The following LIMCH1 variants were observed in gnomAD, a reference collection of about 807,000 sequenced individuals.
The protein encoded by LIMCH1 is LIM and calponin homology domains-containing protein 1.
A neutral mutation model predicts 176.5 loss-of-function variants in LIMCH1; 113 were observed. The observed-to-expected ratio is 0.64, with a 90% CI of 0.55 to 0.75. The LOEUF (loss-of-function observed/expected upper bound fraction) is 0.75. LIMCH1 is among the 30% of genes least tolerant of loss of function. The pLI is 0.00. For synonymous variants in LIMCH1, 619 were observed against 645.9 expected (o/e 0.96, Z 0.63); for missense variants, 1,674 against 1,814.9 (o/e 0.92, Z 1.41).
chr4:41,480,090 G>A (rs2068339479), intron 1 of LIMCH1, among the ~76,000 whole-genome samples: 1 of 151,900 alleles, frequency 6.6e-6, no homozygotes, highest in Admixed American at 6.6e-5. Flanking sequence ...AGTACTAAGT[G>A]TCCTATTAGA....
chr4:41,362,787 A>G (rs2052340545), intron 1 of LIMCH1, among the ~76,000 whole-genome samples: 1 of 152,164 alleles, frequency 6.6e-6, no homozygotes, highest in Non-Finnish European at 1.5e-5. Flanking sequence ...GTGGTAGTAT[A>G]TTTCAGGCTA....
chr4:41,488,147 G>A (rs1415426069), intron 1 of LIMCH1, among the ~76,000 whole-genome samples: 1 of 152,154 alleles, frequency 6.6e-6, no homozygotes, highest in East Asian at 1.9e-4. Flanking sequence ...TTGTTGGGCT[G>A]TCAATGTTGG....
intron 1 of LIMCH1, among the ~76,000 whole-genome samples, chr4:41,460,058 C>T (rs2065098409): frequency 6.6e-6 from 1 of 152,014 alleles, no homozygotes. Flanking sequence ...AATTTAAGTT[C>T]CCTTTGATAT....
chr4:41,669,006 A>G (rs553428778), intron 21 of LIMCH1, among the ~76,000 whole-genome samples: 1 of 152,282 alleles, frequency 6.6e-6, no homozygotes, highest in South Asian at 2.1e-4. Context: ...TGTGGGAATC[A>G]TGGGAGCTTT....
At chr4:41,670,023 C>T (rs1382494728) in intron 21 of LIMCH1, among the ~76,000 whole-genome samples, 3 of 152,216 alleles carry the variant, frequency 2.0e-5, no homozygotes, top group African/African-American at 7.2e-5. Context: ...CACACCCAGG[C>T]ATTCAGTTTT....
chr4:41,630,657 G>C (rs1320500552), intron 9 of LIMCH1, among the ~76,000 whole-genome samples: 1 of 152,138 alleles, frequency 6.6e-6, no homozygotes, highest in African/African-American at 2.4e-5. Flanking sequence ...AAGCAATTTT[G>C]CTCTAGCCTT....
chr4:41,548,080 G>A (rs918894011), intron 1 of LIMCH1, among the ~76,000 whole-genome samples: 2 of 151,550 alleles, frequency 1.3e-5, no homozygotes, highest in Non-Finnish European at 1.5e-5. Context: ...ATGGATCAAC[G>A]TAGCATGTTG....
chr4:41,503,466 A>T (rs73142567), intron 2 of LIMCH1, among the ~76,000 whole-genome samples: 6,082 of 152,196 alleles, frequency 0.04, 407 homozygotes, highest in African/African-American at 0.14. Flanking sequence ...CCGCTGAGGG[A>T]CTCTTCCATC....
Position 41,661,424 on chromosome 4 carries a change from C to T in LIMCH1, c.3041C>T (p.Thr1014Ile), listed in dbSNP as rs763733501. ...PNSVPQELAA[T>I]TEKTEPNSQE... is the part of the protein sequence containing the mutation. The stretch of plus-strand genomic sequence containing the variant: ...GGAAAAAAATCTCTTTTTCAGGCAA[C>T]CACTGAGAAAACGGAACCGAATAGT... The change falls in exon 19 of 32, where the codon ACC (threonine) becomes ATC (isoleucine). Residue 1014 changes from threonine to isoleucine, a missense_variant. Thr to Ile is a moderately conservative substitution (Grantham distance 89). This residue lies in a region of LIMCH1 where 1,015 missense variants were observed against 1,102.5 expected (regional missense o/e 0.92). Coordinates refer to ENST00000503057, the MANE Select transcript of LIMCH1 (RefSeq NM_001330672.2). The T allele has an allele frequency of 1.6e-5, 25 of 1,606,494 alleles. No homozygotes were observed. The South Asian group carries it at 2.8e-4, about 18-fold the overall frequency.
intron 5 of LIMCH1, among the ~76,000 whole-genome samples, chr4:41,616,488 C>G (rs926202276): frequency 6.6e-6 from 1 of 152,004 alleles, no homozygotes; most frequent in Non-Finnish European, 1.5e-5. Flanking sequence ...GAGATCACAC[C>G]ATTGCACTCC....
intron 2 of LIMCH1, among the ~76,000 whole-genome samples, chr4:41,507,826 T>C (rs1195852563): frequency 7.5e-6 from 1 of 132,554 alleles, no homozygotes; most frequent in East Asian, 2.4e-4. Flanking sequence ...TAAAGATGAA[T>C]GCATTATGCA....
At chr4:41,571,063 G>C (rs895696886) in intron 1 of LIMCH1, among the ~76,000 whole-genome samples, 1 of 152,110 alleles carries the variant, frequency 6.6e-6, no homozygotes, top group Non-Finnish European at 1.5e-5. Flanking sequence ...CAGATTGTGA[G>C]GGGGATCAAA....
At position 41,622,618 on chromosome 4, in the gene LIMCH1, C is replaced by T. The variant is rs1388367221; in HGVS notation, c.725+1928C>T. On this transcript the variant is annotated intron_variant, in intron 7 of 31. Coordinates refer to ENST00000503057, the MANE Select transcript of LIMCH1 (RefSeq NM_001330672.2). ...CTGGGAAGTCCATACACGTACTGTGCCACTTCAGTACCTGGGACGTTTATT... is the reference window on the plus strand; with the variant it reads ...CTGGGAAGTCCATACACGTACTGTGTCACTTCAGTACCTGGGACGTTTATT... Among the ~76,000 whole-genome samples, 4 of 152,254 alleles carry T rather than the reference C, an allele frequency of 2.6e-5. No individual in the cohort carries two copies. The East Asian group carries it at 5.8e-4, about 22-fold the overall frequency.
At chr4:41,564,351 C>T (rs558619271) in intron 1 of LIMCH1, among the ~76,000 whole-genome samples, 4 of 151,986 alleles carry the variant, frequency 2.6e-5, no homozygotes, top group South Asian at 2.1e-4. Flanking sequence ...TCCTGGTTCC[C>T]GTGAAAGCAT....
chr4:41,684,739 TAAA>T (rs552193751), intron 27 of LIMCH1, among the ~76,000 whole-genome samples: 1 of 149,608 alleles, frequency 6.7e-6, no homozygotes, highest in African/African-American at 2.5e-5. Context: ...TGTTCGCACT[TAAA>T]AAAAAAATGT....
intron 1 of LIMCH1, among the ~76,000 whole-genome samples, chr4:41,410,271 T>C (rs540453075): frequency 1.3e-5 from 2 of 152,244 alleles, no homozygotes; most frequent in South Asian, 4.1e-4. Context: ...GGAGGCTGTG[T>C]TTATGATTCC....
intron 22 of LIMCH1, among the ~76,000 whole-genome samples, chr4:41,675,572 ACTCTGGGTG>A (rs2095190013): frequency 6.6e-6 from 1 of 151,608 alleles, no homozygotes; most frequent in African/African-American, 2.4e-5. Context: ...CTGGGCACCT[ACTCTGGGTG>A]ACTGGGGCAG....
chr4:41,458,602 C>T (rs534428143), intron 1 of LIMCH1, among the ~76,000 whole-genome samples: 18 of 151,474 alleles, frequency 1.2e-4, no homozygotes, highest in African/African-American at 2.2e-4. Context: ...GGTGAAACCC[C>T]GTCTCTACTA....
At chr4:41,600,356 C>G (rs2089696865) in intron 2 of LIMCH1, among the ~76,000 whole-genome samples, 1 of 152,118 alleles carries the variant, frequency 6.6e-6, no homozygotes, top group African/African-American at 2.4e-5. Flanking sequence ...TGCCTCATCT[C>G]CCATTCATAG....
Sources: allele counts gnomAD v4.1 joint callset (sites outside exome capture counted in the v4.1 genomes callset), GRCh38; gene constraint gnomAD v4.1.1; regional missense constraint gnomAD v4.1.1; transcripts MANE v1.5; gene names NCBI Gene and HGNC (gene_info 2026-07-23, HGNC 2026-07-21).